The following SERPINA9 variants were observed in gnomAD, a reference collection of about 807,000 sequenced individuals.
SERPINA9 encodes serpin family A member 9, also known as serpin A9.
SERPINA9 carries 32 observed loss-of-function variants against 24.5 expected under a neutral mutation model. That is an observed-to-expected ratio of 1.30 (90% confidence interval 0.98 to 1.75). The LOEUF (loss-of-function observed/expected upper bound fraction) is 1.75. Among genes scored for constraint, SERPINA9 ranks in the 40% most tolerant of loss-of-function variants. The pLI, the probability that SERPINA9 is intolerant of heterozygous loss-of-function variation, is 0.00. For synonymous variants in SERPINA9, 233 were observed against 197.7 expected (o/e 1.18, Z -1.50); for missense variants, 594 against 497.1 (o/e 1.19, Z -1.85).
At chr14:94,466,642 C>A (rs374892693) in intron 3 of SERPINA9, among the ~76,000 whole-genome samples, 3 of 152,318 alleles carry the variant, frequency 2.0e-5, no homozygotes, top group African/African-American at 7.2e-5. Flanking sequence ...TTACTGAACA[C>A]TTACTATCTT....
At chr14:94,475,882 A>G in intron 1 of SERPINA9, 2 of 517,128 alleles carry the variant, frequency 3.9e-6, no homozygotes, top group African/African-American at 1.9e-5. Context: ...CTTGTGGCCC[A>G]AATTTTCAAG....
chr14:94,464,857 G>A lies in SERPINA9; in HGVS notation c.903-3C>T. ...TGGGGATGAACACCTCTATCCACCTGTGGAGTAGGGAAAAGGAAACAATGA... is the reference window on the plus strand; with the variant it reads ...TGGGGATGAACACCTCTATCCACCTATGGAGTAGGGAAAAGGAAACAATGA... On this transcript the variant is annotated splice_region_variant and splice_polypyrimidine_tract_variant and intron_variant, in intron 3 of 4. Transcript: ENST00000674397. The A allele has an allele frequency of 1.2e-6, 2 of 1,609,082 alleles. No homozygotes were observed. The highest frequency in any genetic ancestry group is 8.5e-7 in the Non-Finnish European group (1 of 1,178,168).
At chr14:94,475,420 GCACACACACACACACATA>G (rs1463925976) in intron 1 of SERPINA9, among the ~76,000 whole-genome samples, 2 of 111,646 alleles carry the variant, frequency 1.8e-5, no homozygotes, top group African/African-American at 3.5e-5. Flanking sequence ...GCCTACATGT[GCACACACACACACACATA>G]CACACACACA....
chr14:94,462,984 G>T lies in SERPINA9; in HGVS notation c.*109C>A. Reference sequence around the variant, plus strand: ...CCTTGGAAGTGGCATCCCTGCCAGCGAATCCAGCTCCACTGGGGTCAAATG... The same window carrying T: ...CCTTGGAAGTGGCATCCCTGCCAGCTAATCCAGCTCCACTGGGGTCAAATG... On this transcript the variant is annotated 3_prime_UTR_variant, in exon 5 of 5. Coordinates refer to ENST00000674397, the MANE Select transcript of SERPINA9 (RefSeq NM_175739.4). 1 of 950,128 alleles carries T rather than the reference G, an allele frequency of 1.1e-6. No individual in the cohort carries two copies. The highest frequency in any genetic ancestry group is 1.5e-5 in the South Asian group (1 of 67,554). The allele number at this position is 950,128 out of a possible 1,614,324, so 58.9% of individuals were successfully genotyped here.
intron 1 of SERPINA9, among the ~76,000 whole-genome samples, chr14:94,474,830 A>G (rs1359493330): frequency 6.6e-6 from 1 of 151,636 alleles, no homozygotes; most frequent in Non-Finnish European, 1.5e-5. Context: ...ACTCACTCCC[A>G]TCTCCAAGCG....
intron 1 of SERPINA9, among the ~76,000 whole-genome samples, chr14:94,470,359 C>A (rs1466116710): frequency 2.0e-5 from 3 of 152,162 alleles, no homozygotes; most frequent in Non-Finnish European, 4.4e-5. Flanking sequence ...GTGTTCATAT[C>A]TCTCAAAAAG....
Position 94,462,947 on chromosome 14 carries a change from T to A in SERPINA9, c.*146A>T, listed in dbSNP as rs1898808755. 5.9e-6 allele frequency: 4 copies of A among 675,424 alleles called. No individual in the cohort carries two copies. Among genetic ancestry groups the A allele is most frequent in the Non-Finnish European group, 1.0e-5 (4 of 382,520 alleles). The allele number at this position is 675,424 out of a possible 1,614,324, so 41.8% of individuals were successfully genotyped here. ...TGTGACTGGGGTCCCTGTTGATGGTTTGGTGATTGAGCCTTGGAAGTGGCA... is the reference window on the plus strand; with the variant it reads ...TGTGACTGGGGTCCCTGTTGATGGTATGGTGATTGAGCCTTGGAAGTGGCA... On this transcript the variant is annotated 3_prime_UTR_variant, in exon 5 of 5. Coordinates refer to ENST00000674397, the MANE Select transcript of SERPINA9 (RefSeq NM_175739.4).
At chr14:94,470,727 G>A (rs778566568) in intron 1 of SERPINA9, among the ~76,000 whole-genome samples, 12 of 152,198 alleles carry the variant, frequency 7.9e-5, no homozygotes, top group African/African-American at 2.4e-4. Flanking sequence ...CATGGTGAGC[G>A]CTGAATACAT....
At position 94,467,288 on chromosome 14, in the gene SERPINA9, G is replaced by A. The variant is rs1427341519; in HGVS notation, c.723C>T (p.His241=). ...CCCCAAAAGCGAACTGCTCTTTCTGGTGCATCATGGGGACATGCACAGTGA... is the reference window on the plus strand; with the variant it reads ...CCCCAAAAGCGAACTGCTCTTTCTGATGCATCATGGGGACATGCACAGTGA... ...EQVTVHVPMM[H]QKEQFAFGVD... Residue 241 remains histidine, a synonymous_variant, in exon 3 of 5, where the codon CAC becomes CAT. Coordinates refer to ENST00000674397, the MANE Select transcript of SERPINA9 (RefSeq NM_175739.4). 4.3e-6 allele frequency: 7 copies of A among 1,613,988 alleles called. No homozygotes were observed. The Admixed American group carries it at 1.0e-4, about 23-fold the overall frequency.
chr14:94,473,027 A>T (rs1017450923), intron 1 of SERPINA9, among the ~76,000 whole-genome samples: 1 of 152,166 alleles, frequency 6.6e-6, no homozygotes, highest in Admixed American at 6.5e-5. Context: ...CCTGGAACCC[A>T]CTGGGGGATG....
intron 3 of SERPINA9, among the ~76,000 whole-genome samples, chr14:94,465,949 G>A (rs973074852): frequency 6.6e-6 from 1 of 152,164 alleles, no homozygotes; most frequent in Non-Finnish European, 1.5e-5. Context: ...AGCAACGAAA[G>A]CACAAAAATA....
intron 1 of SERPINA9, among the ~76,000 whole-genome samples, chr14:94,474,721 T>C (rs1194690262): frequency 6.6e-6 from 1 of 152,128 alleles, no homozygotes; most frequent in Non-Finnish European, 1.5e-5. Flanking sequence ...GCACTGCTCG[T>C]TGGGGTGACA....
rs1358181806 is a variant in SERPINA9, at chr14:94,467,230, T to C, written c.781A>G (p.Met261Val). ...DTELNCFVLQ[M>V]DYKGDAVAFF... Reference sequence around the variant, plus strand: ...GCCACGGCATCTCCCTTGTAATCCATCTGCAGCACAAAGCAGTTCAGCTCT... The same window carrying C: ...GCCACGGCATCTCCCTTGTAATCCACCTGCAGCACAAAGCAGTTCAGCTCT... The change falls in exon 3 of 5, where the codon ATG (methionine) becomes GTG (valine). Residue 261 changes from methionine (M) to valine (V), a missense_variant. Coordinates refer to ENST00000674397, the MANE Select transcript of SERPINA9 (RefSeq NM_175739.4). 6 of 1,614,240 alleles carry C rather than the reference T, an allele frequency of 3.7e-6. No homozygotes were observed. Among genetic ancestry groups the C allele is most frequent in the Middle Eastern group, 3.3e-4 (2 of 6,062 alleles).
At position 94,469,671 on chromosome 14, in the gene SERPINA9, C is replaced by A. The variant is rs199573923; in HGVS notation, c.170G>T (p.Arg57Leu). 6.2e-7 allele frequency: 1 copy of A among 1,613,286 alleles called. No homozygotes were observed. Among genetic ancestry groups the A allele is most frequent in the Admixed American group, 1.7e-5 (1 of 59,974 alleles). The change falls in exon 2 of 5, where the codon CGC (arginine) becomes CTC (leucine). Residue 57 changes from arginine (R) to leucine (L), a missense_variant. Physicochemically the swap from Arg to Leu is moderately radical, Grantham distance 102 (BLOSUM62 -2). Coordinates refer to ENST00000674397, the MANE Select transcript of SERPINA9 (RefSeq NM_175739.4). ...ACTCGGGGTCTCCAAAACCAGCCTGCGGTATAGGCGGAAGGCAAAGTCGGT... is the reference window on the plus strand; with the variant it reads ...ACTCGGGGTCTCCAAAACCAGCCTGAGGTATAGGCGGAAGGCAAAGTCGGT... The part of the protein sequence containing the change: ...LNTDFAFRLY[R>L]RLVLETPSQN...
chr14:94,466,682 A>G (rs1320111452), intron 3 of SERPINA9, among the ~76,000 whole-genome samples: 1 of 152,256 alleles, frequency 6.6e-6, no homozygotes, highest in Non-Finnish European at 1.5e-5. Flanking sequence ...CTTTGTAAGT[A>G]GCAGGTTACT....
At chr14:94,475,437 TACACAC>T (rs56863971) in intron 1 of SERPINA9, among the ~76,000 whole-genome samples, 106 of 149,370 alleles carry the variant, frequency 7.1e-4, no homozygotes, top group African/African-American at 1.4e-3. Flanking sequence ...CACACACACA[TACACAC>T]ACACACACAC....
intron 1 of SERPINA9, among the ~76,000 whole-genome samples, chr14:94,471,743 C>T (rs1331000189): frequency 2.2e-5 from 3 of 138,192 alleles, no homozygotes; most frequent in Non-Finnish European, 3.2e-5. Context: ...CCCATCTCTC[C>T]CTTTCTCCAA....
rs200543959 is a variant in SERPINA9 at position 94,476,135 on chromosome 14, C to T, written c.-18+1G>A. 1.3e-4 allele frequency: 216 copies of T among 1,614,086 alleles called. No homozygotes were observed. The highest frequency in any genetic ancestry group is 1.6e-4 in the Non-Finnish European group (186 of 1,180,044). On this transcript the variant is annotated splice_donor_variant, in intron 1 of 4. Coordinates refer to ENST00000674397, the MANE Select transcript of SERPINA9 (RefSeq NM_175739.4). LOFTEE classifies it low-confidence loss of function (5UTR_SPLICE). Reference sequence around the variant, plus strand: ...TCTCTCTGCACCTCCTCCTTACCCACCTTTGCAGGTTCCTCTTCTCCTGCC... The same window carrying T: ...TCTCTCTGCACCTCCTCCTTACCCATCTTTGCAGGTTCCTCTTCTCCTGCC...
At chr14:94,474,491 G>T (rs538473268) in intron 1 of SERPINA9, among the ~76,000 whole-genome samples, 75 of 152,266 alleles carry the variant, frequency 4.9e-4, no homozygotes, top group African/African-American at 1.7e-3. Flanking sequence ...CTGAGTCTGG[G>T]ATCTATGTCT....
Sources: gnomAD v4.1 joint callset for allele counts (sites outside exome capture counted in the v4.1 genomes callset) on GRCh38, gnomAD v4.1.1 for gene constraint, MANE v1.5 for transcripts, NCBI Gene and HGNC (gene_info 2026-07-23, HGNC 2026-07-21) for gene names.